Variants in CNBD1 observed in about 807,000 individuals in gnomAD.
The protein encoded by CNBD1 is cyclic nucleotide binding domain containing 1.
A neutral mutation model predicts 54.4 loss-of-function variants in CNBD1; 71 were observed. The observed-to-expected ratio is 1.30, with a 90% confidence interval of 1.08 to 1.59. CNBD1 has a LOEUF of 1.59. CNBD1 is among the 40% of genes most tolerant of loss of function. The pLI, the probability that CNBD1 is intolerant of heterozygous loss-of-function variation, is 0.00. For synonymous variants in CNBD1, 182 were observed against 170.7 expected (o/e 1.07, Z -0.51); for missense variants, 659 against 518.0 (o/e 1.27, Z -2.64).
chr8:87,307,999 T>G (rs1809193002), intron 8 of CNBD1, among the ~76,000 whole-genome samples: 2 of 152,152 alleles, frequency 1.3e-5, no homozygotes, highest in African/African-American at 2.4e-5. Flanking sequence ...CTTTTTTCAC[T>G]TTGCATTAGC....
intron 10 of CNBD1, among the ~76,000 whole-genome samples, chr8:87,358,108 G>T (rs1043755543): frequency 6.6e-6 from 1 of 152,094 alleles, no homozygotes; most frequent in East Asian, 1.9e-4. Flanking sequence ...AGATACTGGT[G>T]CCATGCTTGT....
At chr8:87,427,290 T>C (rs1006189658) in intron 2 of CNBD1, among the ~76,000 whole-genome samples, 1 of 152,138 alleles carries the variant, frequency 6.6e-6, no homozygotes, top group Non-Finnish European at 1.5e-5. Context: ...GAGTTTGGGG[T>C]ATAAAATTGT....
intron 4 of CNBD1, among the ~76,000 whole-genome samples, chr8:87,122,421 A>C (rs1160538251): frequency 6.6e-6 from 1 of 151,784 alleles, no homozygotes; most frequent in Non-Finnish European, 1.5e-5. Context: ...AGTTGAGTTT[A>C]TTACATACTT....
At chr8:87,131,053 T>C (rs920850984) in intron 4 of CNBD1, among the ~76,000 whole-genome samples, 4 of 152,146 alleles carry the variant, frequency 2.6e-5, no homozygotes, top group African/African-American at 9.7e-5. Flanking sequence ...TCCATTCTTT[T>C]CCTTTTAATC....
chr8:87,162,622 G>T (rs766297436), intron 4 of CNBD1, among the ~76,000 whole-genome samples: 2 of 152,010 alleles, frequency 1.3e-5, no homozygotes, highest in Non-Finnish European at 1.5e-5. Context: ...TGGATAATTT[G>T]TAAAAAACAT....
At chr8:87,021,561 C>T (rs1003115407) in intron 4 of CNBD1, among the ~76,000 whole-genome samples, 1 of 152,186 alleles carries the variant, frequency 6.6e-6, no homozygotes, top group Admixed American at 6.5e-5. Flanking sequence ...TTGATTTATA[C>T]CAGTAGTTCT....
At chr8:87,350,075 C>G (rs1470998480) in intron 8 of CNBD1, among the ~76,000 whole-genome samples, 1 of 152,112 alleles carries the variant, frequency 6.6e-6, no homozygotes, top group Non-Finnish European at 1.5e-5. Flanking sequence ...AGCTTCTATG[C>G]CTTTCTTTAT....
At chr8:87,052,647 T>C (rs998241030) in intron 4 of CNBD1, among the ~76,000 whole-genome samples, 16 of 152,184 alleles carry the variant, frequency 1.1e-4, no homozygotes, top group African/African-American at 3.9e-4. Context: ...AGTTCTTTAG[T>C]TCCCCTTCTT....
intron 3 of CNBD1, among the ~76,000 whole-genome samples, chr8:86,920,203 T>G (rs1809249308): frequency 6.6e-6 from 1 of 152,336 alleles, no homozygotes; most frequent in Middle Eastern, 3.4e-3. Context: ...CATGTTGCAC[T>G]TAATGTGCAT....
intron 5 of CNBD1, among the ~76,000 whole-genome samples, chr8:87,224,488 A>T (rs1481889292): frequency 1.3e-5 from 2 of 151,046 alleles, no homozygotes; most frequent in Admixed American, 6.6e-5. Flanking sequence ...AGCACCATTT[A>T]TTAAATAGGG....
intron 8 of CNBD1, among the ~76,000 whole-genome samples, chr8:87,327,999 G>C (rs971111020): frequency 6.6e-6 from 1 of 151,358 alleles, no homozygotes; most frequent in African/African-American, 2.4e-5. Flanking sequence ...TTTAATTTCT[G>C]GGATACATGT....
intron 3 of CNBD1, among the ~76,000 whole-genome samples, chr8:86,922,748 T>A (rs2131826179): frequency 6.6e-6 from 1 of 152,298 alleles, no homozygotes; most frequent in South Asian, 2.1e-4. Flanking sequence ...CCTTCCTGAT[T>A]GCTTTGGTTT....
chr8:87,300,336 A>G lies in CNBD1; in HGVS notation c.1042+13665A>G, dbSNP rs577351327. Among the ~76,000 whole-genome samples, 11 of 152,264 alleles carry G rather than the reference A, an allele frequency of 7.2e-5. No individual in the cohort carries two copies. The South Asian group carries it at 2.1e-3, about 29-fold the overall frequency. ...ATGACAATGAATTATATCTCGATCA[A>G]TAAGTATTTACAATATATAAAACCC... On this transcript the variant is annotated intron_variant, in intron 8 of 10. Coordinates refer to ENST00000518476, the MANE Select transcript of CNBD1 (RefSeq NM_173538.3).
chr8:87,122,139 C>T (rs1224204756), intron 4 of CNBD1, among the ~76,000 whole-genome samples: 3 of 151,684 alleles, frequency 2.0e-5, no homozygotes, highest in African/African-American at 7.3e-5. Context: ...TGAGGAACCT[C>T]CATACCATTT....
At chr8:86,933,083 G>C in intron 3 of CNBD1, among the ~76,000 whole-genome samples, 1 of 152,152 alleles carries the variant, frequency 6.6e-6, no homozygotes, top group East Asian at 1.9e-4. Flanking sequence ...GGAGGGAAGG[G>C]ATCTCCAGCA....
chr8:87,408,331 C>A (rs1017282618), intron 2 of CNBD1, among the ~76,000 whole-genome samples: 1 of 151,938 alleles, frequency 6.6e-6, no homozygotes, highest in South Asian at 2.1e-4. Flanking sequence ...CTCCATTTCA[C>A]CTTCTTATTA....
At chr8:87,211,753 G>T (rs970708068) in intron 5 of CNBD1, among the ~76,000 whole-genome samples, 18 of 152,206 alleles carry the variant, frequency 1.2e-4, no homozygotes, top group Admixed American at 3.9e-4. Context: ...GCAGCCTGCA[G>T]AGCCATGAGC....
intron 4 of CNBD1, among the ~76,000 whole-genome samples, chr8:87,070,506 CT>C (rs1243073850): frequency 6.6e-6 from 1 of 152,030 alleles, no homozygotes; most frequent in East Asian, 1.9e-4. Flanking sequence ...GAATGGCACA[CT>C]TTTAAAAAAG....
intron 3 of CNBD1, among the ~76,000 whole-genome samples, chr8:86,928,969 C>T (rs1809412106): frequency 1.3e-5 from 2 of 152,212 alleles, no homozygotes; most frequent in African/African-American, 4.8e-5. Context: ...AAACTATCCC[C>T]CTGTGAAAGT....
Sources: gnomAD v4.1 joint callset for allele counts (sites outside exome capture counted in the v4.1 genomes callset) on GRCh38, gnomAD v4.1.1 for gene constraint, MANE v1.5 for transcripts, NCBI Gene and HGNC (gene_info 2026-07-23, HGNC 2026-07-21) for gene names.